The following KIFBP variants were observed in gnomAD, a reference collection of about 807,000 sequenced individuals.
KIFBP encodes KIF-binding protein.
KIFBP carries 46 observed loss-of-function variants against 58.9 expected under a neutral mutation model. That is an observed-to-expected ratio of 0.78 (90% CI 0.62 to 1.00). The LOEUF (loss-of-function observed/expected upper bound fraction) is 1.00, where lower values mean the gene tolerates loss of function less well. Among genes scored for constraint, KIFBP ranks in the 50% least tolerant of loss-of-function variants. The pLI, the probability that KIFBP is intolerant of heterozygous loss-of-function variation, is 0.00. For missense variants in KIFBP, 651 were observed against 752.9 expected (o/e 0.86, Z 1.58); for synonymous variants, 241 against 283.4 (o/e 0.85, Z 1.50).
chr10:69,006,758 T>C (rs1326011596), intron 4 of KIFBP: 1 of 152,236 alleles, frequency 6.6e-6, no homozygotes, highest in East Asian at 1.9e-4. Flanking sequence ...CCCGCTGCCT[T>C]ATCCTTGGGC....
chr10:68,999,244 C>T (rs986844853), intron 1 of KIFBP, among the ~76,000 whole-genome samples: 1 of 151,454 alleles, frequency 6.6e-6, no homozygotes, highest in Admixed American at 6.6e-5. Context: ...ATTACAGGTG[C>T]ACGCCACCAC....
Position 69,005,946 on chromosome 10 carries a change from G to A in KIFBP, c.789+31G>A, listed in dbSNP as rs759759441. The stretch of plus-strand genomic sequence containing the variant: ...CTTCTTGAAGTAGTTATCTAACAGA[G>A]TACCAATAGTGAGTATAAAAATAGA... On this transcript the variant is annotated intron_variant, in intron 4 of 6. Coordinates refer to ENST00000361983, the MANE Select transcript of KIFBP (RefSeq NM_015634.4). 1.9e-6 allele frequency: 3 copies of A among 1,574,426 alleles called. No homozygotes were observed. The South Asian group carries it at 3.3e-5, about 18-fold the overall frequency.
Position 69,010,991 on chromosome 10 carries a change from G to A in KIFBP, c.966G>A (p.Met322Ile), listed in dbSNP as rs1352329978. ...RCWIKYCLTL[M>I]QNAQLSMQDN... The stretch of plus-strand genomic sequence containing the variant: ...GGATCAAATACTGTTTGACTCTCAT[G>A]CAGAATGCCCAACTCTCCATGCAGG... Residue 322 changes from methionine (M) to isoleucine (I), a missense_variant, in exon 6 of 7, where the codon ATG becomes ATA. Transcript: ENST00000361983. The A allele has an allele frequency of 1.2e-6, 2 of 1,613,736 alleles. No homozygotes were observed. Among genetic ancestry groups the A allele is most frequent in the East Asian group, 4.5e-5 (2 of 44,878 alleles).
chr10:69,005,894 G>T lies in KIFBP; in HGVS notation c.768G>T (p.Leu256Phe), dbSNP rs866036954. The change falls in exon 4 of 7, where the codon TTG (leucine) becomes TTT (phenylalanine). Residue 256 changes from leucine to phenylalanine, a missense_variant. Leu to Phe is a conservative substitution (Grantham distance 22, BLOSUM62 0). Coordinates refer to ENST00000361983, the MANE Select transcript of KIFBP (RefSeq NM_015634.4). ...AGTGGGCTATCAATGCTGCTACCTT[G>T]TCACAGTTTTACATCAATAAGGTAA... ...PIEWAINAAT[L>F]SQFYINKLCF... The T allele has an allele frequency of 1.2e-6, 2 of 1,613,974 alleles. No homozygotes were observed. Among genetic ancestry groups the T allele is most frequent in the Non-Finnish European group, 1.7e-6 (2 of 1,179,944 alleles).
chr10:69,010,742 T>C (rs943677867), intron 5 of KIFBP, among the ~76,000 whole-genome samples, 158 bp from the exon 6 acceptor site: 2 of 152,132 alleles, frequency 1.3e-5, no homozygotes, highest in African/African-American at 4.8e-5. Flanking sequence ...GTAGTAGGAT[T>C]TGGGGGGGGA....
rs565641533 is a variant in KIFBP at position 69,005,626 on chromosome 10, T to C, written c.606-106T>C. The C allele has an allele frequency of 3.8e-5, 32 of 834,500 alleles. No individual in the cohort carries two copies. The African/African-American group carries it at 5.2e-4, about 13-fold the overall frequency. The allele number at this position is 834,500 out of a possible 1,614,324, so 51.7% of individuals were successfully genotyped here. A position where few individuals can be genotyped will look rare whatever the true frequency, so the allele number is the denominator to read the frequency against. ...AGGAGGCGGAGGCAGTGAGCCAAGA[T>C]CGTGCCACTGTACTCCAGCCTGGGC... is the stretch of plus-strand genomic sequence containing the variant. On this transcript the variant is annotated intron_variant, in intron 3 of 6. Transcript: ENST00000361983.
At chr10:68,992,044 A>G (rs942441131) in intron 1 of KIFBP, among the ~76,000 whole-genome samples, 1 of 151,610 alleles carries the variant, frequency 6.6e-6, no homozygotes. Flanking sequence ...CCCAGGCTAC[A>G]TAGCAGTGGC....
At chr10:69,006,099 ATTATT>A (rs1264830773) in intron 4 of KIFBP, 184 bp downstream of exon 4, 1 of 596,144 alleles carries the variant, frequency 1.7e-6, no homozygotes, top group Non-Finnish European at 2.9e-6. Context: ...TGTTGTATGA[ATTATT>A]TTGAGTTTTA....
intron 1 of KIFBP, among the ~76,000 whole-genome samples, chr10:68,998,045 C>T (rs1026148680): frequency 6.6e-6 from 1 of 152,064 alleles, no homozygotes; most frequent in Non-Finnish European, 1.5e-5. Context: ...AATTAAACTT[C>T]TTTTCTTTAT....
chr10:69,011,462 TG>T lies in KIFBP; in HGVS notation c.990+450del, dbSNP rs11304883. On this transcript the variant is annotated intron_variant, in intron 6 of 6. Coordinates refer to ENST00000361983, the MANE Select transcript of KIFBP (RefSeq NM_015634.4). ...AGGCTGGAGTGTGGTGGCGTGATCA[TG>T]GGTCACTGCAACCTTGGTCTCCCCG... Among the ~76,000 whole-genome samples, 1,144 of 149,980 alleles carry T rather than the reference TG, an allele frequency of 7.6e-3. 21 individuals carry two copies. Among genetic ancestry groups the T allele is most frequent in the African/African-American group, 0.026 (1,073 of 40,798 alleles).
intron 2 of KIFBP, among the ~76,000 whole-genome samples, chr10:69,003,458 G>A (rs750081729): frequency 5.9e-5 from 9 of 152,144 alleles, no homozygotes; most frequent in African/African-American, 1.4e-4. Flanking sequence ...TATGAAAGAC[G>A]TTGTTCCTTT....
chr10:69,012,639 C>T (rs1346838148), intron 6 of KIFBP, among the ~76,000 whole-genome samples: 1 of 152,074 alleles, frequency 6.6e-6, no homozygotes, highest in Non-Finnish European at 1.5e-5. Context: ...TGCCTATAAT[C>T]CCAGCACTTT....
chr10:69,008,250 C>A (rs1004218108), intron 4 of KIFBP, among the ~76,000 whole-genome samples: 1 of 150,576 alleles, frequency 6.6e-6, no homozygotes, highest in Non-Finnish European at 1.5e-5. Flanking sequence ...ATAGAGAAAC[C>A]CCAGAATTAG....
At position 69,010,073 on chromosome 10, in the gene KIFBP, A is replaced by G. The variant is rs553376265; in HGVS notation, c.875-827A>G. On this transcript the variant is annotated intron_variant, in intron 5 of 6. Transcript: ENST00000361983. ...AATGAATAAAAACTAAATTGCTGAG[A>G]TATTATTTAATAATTCACTTTATTT... Among the ~76,000 whole-genome samples, 3 of 152,320 alleles carry G rather than the reference A, an allele frequency of 2.0e-5. No individual in the cohort carries two copies. In the East Asian group the frequency reaches 5.8e-4, roughly 29 times the overall value.
intron 1 of KIFBP, chr10:68,991,771 G>C (rs1187331335): frequency 6.5e-6 from 1 of 153,650 alleles, no homozygotes; most frequent in African/African-American, 2.4e-5. Context: ...TGGCATTTTG[G>C]AAGAACTCTT....
chr10:68,992,337 T>G (rs1488200373), intron 1 of KIFBP, among the ~76,000 whole-genome samples: 2 of 152,208 alleles, frequency 1.3e-5, no homozygotes, highest in Non-Finnish European at 2.9e-5. Context: ...TATGTGTGTT[T>G]CCCATTTGTT....
intron 6 of KIFBP, among the ~76,000 whole-genome samples, chr10:69,012,933 A>C (rs1444927245): frequency 6.6e-6 from 1 of 152,088 alleles, no homozygotes; most frequent in Admixed American, 6.6e-5. Context: ...TAATTGACTC[A>C]CAGTTCCTCA....
intron 5 of KIFBP, among the ~76,000 whole-genome samples, chr10:69,009,968 T>A (rs1005862303): frequency 6.6e-6 from 1 of 152,166 alleles, no homozygotes; most frequent in African/African-American, 2.4e-5. Context: ...ATTATCAAAG[T>A]AAATAGTTGC....
rs181620481 is a variant in KIFBP at position 69,008,170 on chromosome 10, C to A, written c.790-671C>A. Among the ~76,000 whole-genome samples the A allele has an allele frequency of 2.0e-5, 3 of 151,594 alleles. No homozygotes were observed. The East Asian group carries it at 5.8e-4, about 29-fold the overall frequency. On this transcript the variant is annotated intron_variant, in intron 4 of 6. Transcript: ENST00000361983. ...TGGGCAAGGTGGCTTACATCTATAA[C>A]CCCAGCACCCTGGGAGGCCAAGGTG...
Sources: allele counts gnomAD v4.1 joint callset (sites outside exome capture counted in the v4.1 genomes callset), GRCh38; gene constraint gnomAD v4.1.1; transcripts MANE v1.5; gene names NCBI Gene and HGNC (gene_info 2026-07-23, HGNC 2026-07-21).